Variants in NIM1K observed in about 807,000 individuals in gnomAD.
NIM1K encodes the protein NIM1 serine/threonine protein kinase, also known as serine/threonine-protein kinase NIM1.
A neutral mutation model predicts 37.1 loss-of-function variants in NIM1K; 35 were observed. That is an observed-to-expected ratio of 0.94 (90% CI 0.72 to 1.25). The LOEUF (loss-of-function observed/expected upper bound fraction) is 1.25. Ranked by LOEUF, NIM1K falls within the 50% of genes most tolerant of loss-of-function variation. The pLI, the probability that NIM1K is intolerant of heterozygous loss-of-function variation, is 0.00. For synonymous variants in NIM1K, 234 were observed against 206.6 expected (o/e 1.13, Z -1.14); for missense variants, 564 against 548.0 (o/e 1.03, Z -0.29).
At position 43,245,828 on chromosome 5, in the gene NIM1K, G is replaced by A. The variant is rs776484045; in HGVS notation, c.53G>A (p.Arg18Gln). The A allele has an allele frequency of 1.2e-5, 20 of 1,613,404 alleles. No homozygotes were observed. The highest frequency in any genetic ancestry group is 1.4e-5 in the Non-Finnish European group (17 of 1,179,642). Residue 18 changes from arginine (R) to glutamine (Q), a missense_variant, in exon 2 of 4, where the codon CGG becomes CAG. Physicochemically the swap from Arg to Gln is conservative, Grantham distance 43. Coordinates refer to ENST00000326035, the MANE Select transcript of NIM1K (RefSeq NM_153361.4). ...GGGLVNPHYA[R>Q]WDRRDSVESG... ...GGCCTGGTGAACCCCCACTATGCCC[G>A]GTGGGATCGGCGCGACAGTGTAGAA...
intron 1 of NIM1K, among the ~76,000 whole-genome samples, chr5:43,217,113 C>CT (rs1050180303): frequency 1.3e-5 from 2 of 152,162 alleles, no homozygotes; most frequent in Non-Finnish European, 2.9e-5. Context: ...CCCTGCTTTG[C>CT]TTAGCCAGCT....
At chr5:43,228,023 T>G (rs1304624657) in intron 1 of NIM1K, among the ~76,000 whole-genome samples, 1 of 152,200 alleles carries the variant, frequency 6.6e-6, no homozygotes, top group African/African-American at 2.4e-5. Context: ...CCTGAGTGTA[T>G]ATTATTCCAT....
chr5:43,259,628 C>CT (rs1046364516), intron 2 of NIM1K, among the ~76,000 whole-genome samples: 5 of 151,798 alleles, frequency 3.3e-5, no homozygotes, highest in Non-Finnish European at 5.9e-5. Flanking sequence ...TTAATGAGAT[C>CT]TTTTTTTGTT....
chr5:43,207,153 C>T (rs1221960718), intron 1 of NIM1K: 10 of 729,944 alleles, frequency 1.4e-5, no homozygotes, highest in Admixed American at 1.8e-5. Context: ...ATTCTACACT[C>T]GAAGCAGTTT....
intron 1 of NIM1K, among the ~76,000 whole-genome samples, chr5:43,200,530 G>C (rs1049348464): frequency 6.6e-6 from 1 of 150,708 alleles, no homozygotes; most frequent in South Asian, 2.1e-4. Context: ...TTGACCTCCC[G>C]ACCTCGTGAT....
chr5:43,209,159 A>G (rs1435948288), intron 1 of NIM1K, among the ~76,000 whole-genome samples: 1 of 152,262 alleles, frequency 6.6e-6, no homozygotes. Flanking sequence ...TTTTAACCTC[A>G]GCAGCCTTCC....
intron 2 of NIM1K, among the ~76,000 whole-genome samples, chr5:43,263,088 C>T (rs1167499272): frequency 1.3e-5 from 2 of 152,162 alleles, no homozygotes; most frequent in Non-Finnish European, 1.5e-5. Context: ...TGTTGTGTCT[C>T]TTCCAGGTTT....
At chr5:43,254,623 C>G (rs1049735365) in intron 2 of NIM1K, among the ~76,000 whole-genome samples, 2 of 152,210 alleles carry the variant, frequency 1.3e-5, no homozygotes, top group African/African-American at 4.8e-5. Context: ...GGGAGCAATG[C>G]ATAGCAGCAC....
rs113184454 is a variant in NIM1K, at chr5:43,254,897, C to G, written c.292+8830C>G. Among the ~76,000 whole-genome samples the G allele has an allele frequency of 2.6e-5, 4 of 152,246 alleles. 1 individual carries two copies. The highest frequency in any genetic ancestry group is 9.6e-5 in the African/African-American group (4 of 41,548). The stretch of plus-strand genomic sequence containing the variant: ...CACTGGTTTTAAAAATTGATTCCCC[C>G]CTCTTGAATACATTCATTAAAATAG... On this transcript the variant is annotated intron_variant, in intron 2 of 3. Coordinates refer to ENST00000326035, the MANE Select transcript of NIM1K (RefSeq NM_153361.4).
At chr5:43,219,127 G>A (rs1266927130) in intron 1 of NIM1K, among the ~76,000 whole-genome samples, 1 of 152,136 alleles carries the variant, frequency 6.6e-6, no homozygotes, top group Admixed American at 6.5e-5. Context: ...TGCCATGATT[G>A]TAAGTTTCCT....
At chr5:43,253,241 TGTGTGTG>T (rs1752896000) in intron 2 of NIM1K, among the ~76,000 whole-genome samples, 5 of 147,890 alleles carry the variant, frequency 3.4e-5, no homozygotes, top group Admixed American at 2.7e-4. Flanking sequence ...TGTGTGTGTG[TGTGTGTG>T]TGTGTGTAAG....
At chr5:43,199,204 A>AAAAAAAATATAT (rs1200134957) in intron 1 of NIM1K, among the ~76,000 whole-genome samples, 33 of 94,026 alleles carry the variant, frequency 3.5e-4, no homozygotes, top group Non-Finnish European at 5.5e-4. Flanking sequence ...AAAAAAAAAA[A>AAAAAAAATATAT]ATATATATAT....
chr5:43,256,785 C>G (rs1426094436), intron 2 of NIM1K, among the ~76,000 whole-genome samples: 1 of 152,214 alleles, frequency 6.6e-6, no homozygotes, highest in South Asian at 2.1e-4. Flanking sequence ...AGTTCTCTCA[C>G]TCTCCTAATA....
intron 2 of NIM1K, among the ~76,000 whole-genome samples, chr5:43,270,733 G>A (rs1753243576): frequency 6.6e-6 from 1 of 152,194 alleles, no homozygotes; most frequent in Non-Finnish European, 1.5e-5. Flanking sequence ...GTAGTGGGAA[G>A]CTGGATTTAA....
rs1752244226 is a variant in NIM1K, at chr5:43,213,284, C to CTTTT, written c.-695+20873_-695+20874insTTTT. On this transcript the variant is annotated intron_variant, in intron 1 of 3. Transcript: ENST00000326035. ...TCTTGTTTCTTTTTCTTTCTTGTTT[C>CTTTT]CTTTCCTTTTCTTTTCTTTTCTTTT... Among the ~76,000 whole-genome samples the CTTTT allele has an allele frequency of 7.0e-4, 76 of 108,738 alleles. 8 individuals carry two copies. Among genetic ancestry groups the CTTTT allele is most frequent in the African/African-American group, 2.7e-3 (62 of 23,118 alleles). 71.3% of individuals were successfully genotyped at this position (108,738 alleles called of 152,430 possible).
At chr5:43,255,663 C>T (rs867172172) in intron 2 of NIM1K, among the ~76,000 whole-genome samples, 3 of 151,006 alleles carry the variant, frequency 2.0e-5, no homozygotes, top group African/African-American at 2.4e-5. Flanking sequence ...GCAGGAAAAT[C>T]GCTTGAACCC....
At chr5:43,240,264 G>C (rs1053244942) in intron 1 of NIM1K, 2 of 151,306 alleles carry the variant, frequency 1.3e-5, no homozygotes, top group Non-Finnish European at 2.9e-5. Context: ...TTGTAGAGAT[G>C]GGGTCTCACT....
intron 1 of NIM1K, among the ~76,000 whole-genome samples, chr5:43,240,851 T>C (rs1473777475): frequency 6.6e-6 from 1 of 151,976 alleles, no homozygotes; most frequent in Non-Finnish European, 1.5e-5. Flanking sequence ...CTTACACTCC[T>C]GATTATCACT....
chr5:43,201,686 C>T (rs924079448), intron 1 of NIM1K, among the ~76,000 whole-genome samples: 1 of 151,412 alleles, frequency 6.6e-6, no homozygotes, highest in African/African-American at 2.4e-5. Context: ...TCTGACCGGG[C>T]GTGGTGGTTC....
Sources: gnomAD v4.1 joint callset for allele counts (sites outside exome capture counted in the v4.1 genomes callset) on GRCh38, gnomAD v4.1.1 for gene constraint, MANE v1.5 for transcripts, NCBI Gene and HGNC (gene_info 2026-07-23, HGNC 2026-07-21) for gene names.